The following MS4A4A variants were observed in gnomAD, a reference collection of about 807,000 sequenced individuals.
MS4A4A encodes the protein membrane-spanning 4-domains subfamily A member 4A.
In MS4A4A, 26 loss-of-function variants were observed where a neutral mutation model predicts 28.0. The observed-to-expected ratio is 0.93, with a 90% CI of 0.68 to 1.29. The LOEUF is 1.29. MS4A4A is among the 50% of genes most tolerant of loss of function. The probability of loss-of-function intolerance (pLI) is 0.00; values close to 1 mark genes in which losing one functional copy is unlikely to be tolerated. For missense variants in MS4A4A, 290 were observed against 293.1 expected (o/e 0.99, Z 0.08); for synonymous variants, 86 against 100.8 (o/e 0.85, Z 0.88).
chr11:60,283,459 T>C (rs1279266978), intron 1 of MS4A4A, among the ~76,000 whole-genome samples: 1 of 151,924 alleles, frequency 6.6e-6, no homozygotes, highest in African/African-American at 2.4e-5. Context: ...CCTCTTAGGG[T>C]TCCTGTTCCC....
chr11:60,284,701 G>A (rs1385742282), intron 1 of MS4A4A, among the ~76,000 whole-genome samples: 1 of 152,184 alleles, frequency 6.6e-6, no homozygotes, highest in Non-Finnish European at 1.5e-5. Context: ...AGTTTATGAG[G>A]TGGGTTACAT....
intron 2 of MS4A4A, chr11:60,296,723 T>A (rs1258455362): frequency 3.5e-5 from 6 of 170,386 alleles, no homozygotes; most frequent in Non-Finnish European, 7.4e-5. Context: ...TCTGCTACGT[T>A]TAGATCCCTG....
In MS4A4A at chr11:60,308,627, G is replaced by C. The variant is rs577602994; in HGVS notation, c.*449G>C. 6.5e-6 allele frequency: 1 copy of C among 154,034 alleles called. No individual in the cohort carries two copies. Among genetic ancestry groups the C allele is most frequent in the African/African-American group, 2.4e-5 (1 of 41,578 alleles). 9.5% of individuals were successfully genotyped at this position (154,034 alleles called of 1,614,324 possible). A position where few individuals can be genotyped will look rare whatever the true frequency, so the allele number is the denominator to read the frequency against. Reference sequence around the variant, plus strand: ...TAACTTTTTTTTTCTCCTACCTATGGGGACCAAAGTGCTTTTTCCTTCAGG... The same window carrying C: ...TAACTTTTTTTTTCTCCTACCTATGCGGACCAAAGTGCTTTTTCCTTCAGG... On this transcript the variant is annotated 3_prime_UTR_variant, in exon 7 of 7. Coordinates refer to ENST00000337908, the MANE Select transcript of MS4A4A (RefSeq NM_148975.3).
At chr11:60,293,724 G>GT (rs564924509) in intron 2 of MS4A4A, among the ~76,000 whole-genome samples, 49 of 152,074 alleles carry the variant, frequency 3.2e-4, no homozygotes, top group African/African-American at 1.0e-3. Context: ...TACAATAGGT[G>GT]TTTTTTTTAG....
At chr11:60,288,659 T>C (rs959374424) in intron 1 of MS4A4A, among the ~76,000 whole-genome samples, 1 of 152,140 alleles carries the variant, frequency 6.6e-6, no homozygotes, top group African/African-American at 2.4e-5. Context: ...GTGGTAACTC[T>C]AGACACTGGG....
At chr11:60,283,485 T>C (rs2084774683) in intron 1 of MS4A4A, among the ~76,000 whole-genome samples, 1 of 152,128 alleles carries the variant, frequency 6.6e-6, no homozygotes, top group Non-Finnish European at 1.5e-5. Flanking sequence ...CTCTTGCCAC[T>C]CTTGATTAGC....
intron 2 of MS4A4A, among the ~76,000 whole-genome samples, chr11:60,293,975 G>T (rs892677475): frequency 3.9e-5 from 6 of 152,176 alleles, no homozygotes. Flanking sequence ...AACTCATTTG[G>T]TTAAGTATGA....
In MS4A4A at chr11:60,308,341, A is replaced by C. The variant is rs2085024519; in HGVS notation, c.*163A>C. 3.6e-6 allele frequency: 2 copies of C among 556,972 alleles called. No homozygotes were observed. Among genetic ancestry groups the C allele is most frequent in the Non-Finnish European group, 6.0e-6 (2 of 332,298 alleles). The allele number at this position is 556,972 out of a possible 1,614,324, so 34.5% of individuals were successfully genotyped here. On this transcript the variant is annotated 3_prime_UTR_variant, in exon 7 of 7. Transcript: ENST00000337908. ...ATGAACTGTGTGTGTATAGAGAGAT[A>C]ATAAATTCAAAATTATGTTCTCATT...
chr11:60,308,461 A>G lies in MS4A4A; in HGVS notation c.*283A>G, dbSNP rs2085026729. 6.0e-6 allele frequency: 2 copies of G among 333,014 alleles called. No individual in the cohort carries two copies. The highest frequency in any genetic ancestry group is 1.1e-5 in the Non-Finnish European group (2 of 184,920). 20.6% of individuals were successfully genotyped at this position (333,014 alleles called of 1,614,324 possible). On this transcript the variant is annotated 3_prime_UTR_variant, in exon 7 of 7. Transcript: ENST00000337908. ...ATAATGCATTTAATGAGGCAACAGC[A>G]CTTGAAAGTTTTTCATTCATCATAA...
At chr11:60,302,740 G>T in intron 5 of MS4A4A, 23 bp downstream of exon 5, 1 of 1,606,066 alleles carries the variant, frequency 6.2e-7, no homozygotes, top group Non-Finnish European at 8.5e-7. Context: ...TCTTTTCAGG[G>T]GATATTATTA....
chr11:60,280,763 T>C, intron 1 of MS4A4A, 47 bp downstream of exon 1: 4 of 1,606,814 alleles, frequency 2.5e-6, no homozygotes, highest in Non-Finnish European at 3.4e-6. Flanking sequence ...TGATGGCTTG[T>C]TTCACTTCCT....
At chr11:60,296,827 C>T in intron 2 of MS4A4A, 1 of 269,064 alleles carries the variant, frequency 3.7e-6, no homozygotes, top group Non-Finnish European at 7.2e-6. Context: ...CTCCTTTCTT[C>T]AGGTTACTTC....
At chr11:60,294,892 ACTTCTT>A (rs71036569) in intron 2 of MS4A4A, among the ~76,000 whole-genome samples, 1,444 of 130,930 alleles carry the variant, frequency 0.011, 27 homozygotes, top group African/African-American at 0.029. Context: ...TACAACTACT[ACTTCTT>A]CTTCTTCTTC....
At chr11:60,294,442 A>C (rs1301910890) in intron 2 of MS4A4A, among the ~76,000 whole-genome samples, 3 of 152,168 alleles carry the variant, frequency 2.0e-5, no homozygotes, top group African/African-American at 4.8e-5. Flanking sequence ...TCTGCAGAGC[A>C]GAACTTTTTA....
intron 1 of MS4A4A, chr11:60,290,151 T>C (rs1288787127): frequency 2.3e-6 from 1 of 426,314 alleles, no homozygotes; most frequent in South Asian, 1.7e-5. Context: ...TGATTTCTCC[T>C]TTACTACTGA....
chr11:60,305,422 A>G (rs2084990158), intron 5 of MS4A4A, among the ~76,000 whole-genome samples: 1 of 152,168 alleles, frequency 6.6e-6, no homozygotes, highest in South Asian at 2.1e-4. Flanking sequence ...AAAAAGTTTT[A>G]TTGCCTTTTC....
intron 1 of MS4A4A, among the ~76,000 whole-genome samples, chr11:60,288,466 C>A (rs2084821818): frequency 6.6e-6 from 1 of 152,162 alleles, no homozygotes; most frequent in African/African-American, 2.4e-5. Context: ...TAACTCAAGC[C>A]CATGGGGCAG....
intron 1 of MS4A4A, among the ~76,000 whole-genome samples, chr11:60,283,532 G>A (rs1443183509): frequency 2.0e-5 from 3 of 151,914 alleles, no homozygotes; most frequent in African/African-American, 7.2e-5. Context: ...CTCCACATAG[G>A]AAGATTTGCG....
At chr11:60,301,610 T>C (rs1257540834) in intron 4 of MS4A4A, among the ~76,000 whole-genome samples, 1 of 152,218 alleles carries the variant, frequency 6.6e-6, no homozygotes, top group Admixed American at 6.5e-5. Flanking sequence ...ATTTGAGTTT[T>C]CTTTGTTCAA....
Sources: gnomAD v4.1 joint callset for allele counts (sites outside exome capture counted in the v4.1 genomes callset) on GRCh38, gnomAD v4.1.1 for gene constraint, MANE v1.5 for transcripts, NCBI Gene and HGNC (gene_info 2026-07-23, HGNC 2026-07-21) for gene names.